The following ATP6V0D2 variants were observed in gnomAD, a reference collection of about 807,000 sequenced individuals.
The protein encoded by ATP6V0D2 is ATPase H+ transporting V0 subunit d2, also known as V-type proton ATPase subunit d 2.
A neutral mutation model predicts 40.0 loss-of-function variants in ATP6V0D2; 40 were observed. That is an observed-to-expected ratio of 1.00 (90% CI 0.78 to 1.30). ATP6V0D2 has a LOEUF of 1.30. ATP6V0D2 is among the 50% of genes most tolerant of loss of function. ATP6V0D2 has a pLI of 0.00. For synonymous variants in ATP6V0D2, 179 were observed against 156.3 expected, an observed-to-expected ratio of 1.15 and a Z score of -1.08; for missense variants, 470 against 423.1, an observed-to-expected ratio of 1.11 and a Z score of -0.97.
chr8:86,107,885 G>A (rs771124643), intron 1 of ATP6V0D2, among the ~76,000 whole-genome samples: 15 of 152,212 alleles, frequency 9.9e-5, no homozygotes, highest in Non-Finnish European at 1.3e-4. Context: ...CCCTGAGAAC[G>A]GCAATATATT....
At chr8:86,124,469 A>G (rs1445970580) in intron 2 of ATP6V0D2, among the ~76,000 whole-genome samples, 1 of 152,144 alleles carries the variant, frequency 6.6e-6, no homozygotes, top group East Asian at 1.9e-4. Context: ...AAAAATCATG[A>G]TTTACTAGGT....
chr8:86,124,022 A>G (rs1191549909), intron 2 of ATP6V0D2, among the ~76,000 whole-genome samples: 1 of 152,184 alleles, frequency 6.6e-6, no homozygotes, highest in Non-Finnish European at 1.5e-5. Context: ...AGTTTCAACA[A>G]TCAAATTTCT....
chr8:86,098,913 A>G lies in ATP6V0D2; in HGVS notation c.-66A>G. 1.9e-6 allele frequency: 3 copies of G among 1,554,124 alleles called. No homozygotes were observed. The highest frequency in any genetic ancestry group is 1.4e-5 in the African/African-American group (1 of 72,800). On this transcript the variant is annotated 5_prime_UTR_variant, in exon 1 of 8. Coordinates refer to ENST00000285393, the MANE Select transcript of ATP6V0D2 (RefSeq NM_152565.1). ...CTCGCACTTTTCCCAGGCTAGTGCA[A>G]ATCTTCAGGGGCCGTCCAGGACTAC...
chr8:86,130,009 G>GA (rs1818800790), intron 2 of ATP6V0D2, among the ~76,000 whole-genome samples: 1 of 145,748 alleles, frequency 6.9e-6, no homozygotes, highest in Non-Finnish European at 1.5e-5. Context: ...GAAAAGAAAA[G>GA]AAAAAAGAAA....
chr8:86,145,233 AAGAG>A (rs1181332154), intron 5 of ATP6V0D2, among the ~76,000 whole-genome samples: 8 of 38,442 alleles, frequency 2.1e-4, no homozygotes, highest in Non-Finnish European at 2.8e-4. Flanking sequence ...GAAAGAAAGA[AAGAG>A]AGAGAGAGAG....
intron 1 of ATP6V0D2, among the ~76,000 whole-genome samples, chr8:86,100,350 C>G (rs1818379947): frequency 6.6e-6 from 1 of 152,040 alleles, no homozygotes; most frequent in Non-Finnish European, 1.5e-5. Context: ...TTTAAAGCTT[C>G]CAGATTATTC....
chr8:86,107,198 G>A (rs551106822), intron 1 of ATP6V0D2, among the ~76,000 whole-genome samples: 30 of 152,210 alleles, frequency 2.0e-4, no homozygotes, highest in African/African-American at 7.2e-4. Context: ...ATTGATAAAA[G>A]GCCATGAAAT....
chr8:86,142,952 G>A lies in ATP6V0D2; in HGVS notation c.637G>A (p.Glu213Lys), dbSNP rs1236331291. The A allele has an allele frequency of 1.2e-6, 2 of 1,605,726 alleles. No homozygotes were observed. Among genetic ancestry groups the A allele is most frequent in the East Asian group, 2.2e-5 (1 of 44,674 alleles). Residue 213 changes from glutamate to lysine, a missense_variant and splice_region_variant, in exon 5 of 8, where the codon GAG becomes AAG. Coordinates refer to ENST00000285393, the MANE Select transcript of ATP6V0D2 (RefSeq NM_152565.1). ...AGCAGAAGTTATGTGTCCCATTCTTGAGGTAAGAAAGAGTCCTTGAATTTT... is the reference window on the plus strand; with the variant it reads ...AGCAGAAGTTATGTGTCCCATTCTTAAGGTAAGAAAGAGTCCTTGAATTTT... The part of the protein sequence containing the change: ...VTAEVMCPIL[E>K]FEADRRAFII...
Position 86,145,554 on chromosome 8 carries a change from G to A in ATP6V0D2, c.639+2600G>A, listed in dbSNP as rs974403158. On this transcript the variant is annotated intron_variant, in intron 5 of 7. Coordinates refer to ENST00000285393, the MANE Select transcript of ATP6V0D2 (RefSeq NM_152565.1). ...CTATATTATACAGAAAGTGGATATC[G>A]AATAAATAAATAACATTTTGAGGCA... is the stretch of plus-strand genomic sequence containing the variant. Among the ~76,000 whole-genome samples, 14 of 152,010 alleles carry A rather than the reference G, an allele frequency of 9.2e-5. No individual in the cohort carries two copies. The East Asian group carries it at 9.7e-4, about 10-fold the overall frequency.
chr8:86,136,392 A>T (rs1818897368), intron 2 of ATP6V0D2, among the ~76,000 whole-genome samples: 1 of 152,138 alleles, frequency 6.6e-6, no homozygotes, highest in Non-Finnish European at 1.5e-5. Flanking sequence ...CGCAGCTCAG[A>T]TGCTTTTACA....
intron 5 of ATP6V0D2, 22 bp from the exon 6 acceptor site, chr8:86,150,090 T>G: frequency 1.2e-6 from 2 of 1,603,608 alleles, no homozygotes; most frequent in Non-Finnish European, 8.5e-7. Flanking sequence ...TAGATTTTAC[T>G]GGTTTTGTCT....
chr8:86,150,052 A>G, intron 5 of ATP6V0D2, 60 bp from the exon 6 acceptor site: 1 of 1,465,424 alleles, frequency 6.8e-7, no homozygotes, highest in South Asian at 1.2e-5. Context: ...TGCACTTAAG[A>G]GTCTGTTTAT....
chr8:86,128,215 G>C (rs1009485128), intron 2 of ATP6V0D2, among the ~76,000 whole-genome samples: 4 of 152,192 alleles, frequency 2.6e-5, no homozygotes, highest in Admixed American at 2.0e-4. Flanking sequence ...CGGGCATGGT[G>C]GTGGGTGCCT....
intron 1 of ATP6V0D2, among the ~76,000 whole-genome samples, chr8:86,108,223 C>A (rs1031046406): frequency 1.3e-5 from 2 of 152,176 alleles, no homozygotes; most frequent in Admixed American, 1.3e-4. Context: ...CTCACTCCAG[C>A]CTCCACCTCC....
intron 1 of ATP6V0D2, 143 bp downstream of exon 1, chr8:86,099,251 T>G: frequency 1.1e-6 from 1 of 879,520 alleles, no homozygotes; most frequent in Non-Finnish European, 1.6e-6. Flanking sequence ...TCCAGATTTC[T>G]GGGGTCCATA....
chr8:86,123,016 ACCC>A (rs1342070257), intron 2 of ATP6V0D2, among the ~76,000 whole-genome samples: 2 of 152,148 alleles, frequency 1.3e-5, no homozygotes, highest in East Asian at 3.9e-4. Context: ...TGCAGACGAT[ACCC>A]CCTCACTTAA....
intron 2 of ATP6V0D2, among the ~76,000 whole-genome samples, chr8:86,138,810 C>T (rs1021619063): frequency 6.6e-6 from 1 of 152,192 alleles, no homozygotes; most frequent in Non-Finnish European, 1.5e-5. Context: ...TTCTGATAAA[C>T]CAAACAAGTT....
chr8:86,133,408 C>T lies in ATP6V0D2; in HGVS notation c.303-6049C>T, dbSNP rs537266082. On this transcript the variant is annotated intron_variant, in intron 2 of 7. Transcript: ENST00000285393. ...CACCATCTCGGCTCACTGCAACCTC[C>T]GCCTCCTGGGTTCAAGTTATTCTCC... 1.6e-4 allele frequency among the ~76,000 whole-genome samples: 24 copies of T among 149,480 alleles called. No individual in the cohort carries two copies. In the South Asian group the frequency reaches 4.3e-3, roughly 27 times the overall value.
At chr8:86,104,959 T>A (rs1479974951) in intron 1 of ATP6V0D2, among the ~76,000 whole-genome samples, 2 of 152,084 alleles carry the variant, frequency 1.3e-5, no homozygotes, top group Non-Finnish European at 2.9e-5. Context: ...TTCGTCAGAA[T>A]GTTTTGCCTT....
Sources: gnomAD v4.1 joint callset for allele counts (sites outside exome capture counted in the v4.1 genomes callset) on GRCh38, gnomAD v4.1.1 for gene constraint, MANE v1.5 for transcripts, NCBI Gene and HGNC (gene_info 2026-07-23, HGNC 2026-07-21) for gene names.